The following MAP2K5 variants were observed in gnomAD, a reference collection of about 807,000 sequenced individuals.
MAP2K5 encodes the protein dual specificity mitogen-activated protein kinase kinase 5.
MAP2K5 carries 49 observed loss-of-function variants against 83.1 expected under a neutral mutation model. The ratio of observed to expected loss-of-function variants is 0.59; its 90% confidence interval spans 0.47 to 0.75. The LOEUF is 0.75. MAP2K5 is among the 30% of genes least tolerant of loss of function. The pLI is 0.00. For synonymous variants in MAP2K5, 202 were observed against 191.8 expected, an observed-to-expected ratio of 1.05 and a Z score of -0.44; for missense variants, 457 against 557.5, an observed-to-expected ratio of 0.82 and a Z score of 1.82.
chr15:67,574,740 G>A (rs1185553348), intron 3 of MAP2K5, among the ~76,000 whole-genome samples: 2 of 151,910 alleles, frequency 1.3e-5, no homozygotes, highest in South Asian at 2.1e-4. Context: ...GGTGTCGGGC[G>A]CCTGTAGTCC....
rs956121291 is a variant in MAP2K5, at chr15:67,801,654, C to T, written c.1243-4992C>T. ...ATCAAGCTTCCTAGAGCTTTAGTTT[C>T]CTTTATAAAATGGGGGTGCCGGGAG... On this transcript the variant is annotated intron_variant, in intron 21 of 21. Transcript: ENST00000178640. The surrounding 1 kb of genome is among the most constrained non-coding windows in gnomAD (Gnocchi z 4.8). 6.6e-6 allele frequency among the ~76,000 whole-genome samples: 1 copy of T among 152,152 alleles called. No individual in the cohort carries two copies. The highest frequency in any genetic ancestry group is 1.5e-5 in the Non-Finnish European group (1 of 68,016).
intron 10 of MAP2K5, 37 bp from the exon 11 acceptor site, chr15:67,646,351 C>T: frequency 7.0e-7 from 1 of 1,426,448 alleles, no homozygotes; most frequent in Non-Finnish European, 9.8e-7. Flanking sequence ...TATTGACTTG[C>T]AGGTTTATAA....
Position 67,658,118 on chromosome 15 carries a change from TG to T in MAP2K5, c.737-433del, listed in dbSNP as rs564518748. Among the ~76,000 whole-genome samples the T allele has an allele frequency of 4.6e-5, 7 of 152,246 alleles. No individual in the cohort carries two copies. The South Asian group carries it at 1.4e-3, about 32-fold the overall frequency. On this transcript the variant is annotated intron_variant, in intron 11 of 21. Transcript: ENST00000178640. ...ATCATATCATTAATGAGCAACGTAG[TG>T]GTTCTCTGCATATATTCCAGCTTTT... is the stretch of plus-strand genomic sequence containing the variant.
Position 67,596,510 on chromosome 15 carries a change from CTG to C in MAP2K5, c.480+3538_480+3539del, listed in dbSNP as rs141847611. ...CTGTAAAATTTAAAAAGTTTAAAAA[CTG>C]TATCATTACTAGTATATGTAACTCT... On this transcript the variant is annotated intron_variant, in intron 7 of 21. Coordinates refer to ENST00000178640, the MANE Select transcript of MAP2K5 (RefSeq NM_145160.3). 3.5e-3 allele frequency among the ~76,000 whole-genome samples: 528 copies of C among 152,308 alleles called. 12 individuals carry two copies. The highest frequency in any genetic ancestry group is 0.012 in the African/African-American group (508 of 41,580).
rs1448979286 is a variant in MAP2K5 at position 67,708,443 on chromosome 15, A to G, written c.1044+5035A>G. ...GTCATCTCTGAGGTTTGGTGATGCCAGAAGCAGAAAGTTCAATTTACAGCT... is the reference window on the plus strand; with the variant it reads ...GTCATCTCTGAGGTTTGGTGATGCCGGAAGCAGAAAGTTCAATTTACAGCT... On this transcript the variant is annotated intron_variant, in intron 16 of 21. Coordinates refer to ENST00000178640, the MANE Select transcript of MAP2K5 (RefSeq NM_145160.3). The surrounding 1 kb of genome is among the most constrained non-coding windows in gnomAD (Gnocchi z 4.9). Among the ~76,000 whole-genome samples the G allele has an allele frequency of 6.6e-6, 1 of 152,146 alleles. No individual in the cohort carries two copies. The highest frequency in any genetic ancestry group is 1.5e-5 in the Non-Finnish European group (1 of 68,024).
At chr15:67,588,212 T>C (rs908978079) in intron 6 of MAP2K5, 14 of 433,852 alleles carry the variant, frequency 3.2e-5, no homozygotes, top group Non-Finnish European at 1.5e-5. Flanking sequence ...CCATCCCACC[T>C]GACATTCCAG....
intron 21 of MAP2K5, among the ~76,000 whole-genome samples, chr15:67,792,991 C>T (rs2090544799): frequency 6.6e-6 from 1 of 152,196 alleles, no homozygotes; most frequent in Non-Finnish European, 1.5e-5. Flanking sequence ...GGTGGATGAG[C>T]TGCTCCATGT....
chr15:67,682,474 TGGCCTCCCAAA>T (rs2087842012), intron 13 of MAP2K5, among the ~76,000 whole-genome samples: 1 of 151,528 alleles, frequency 6.6e-6, no homozygotes, highest in Non-Finnish European at 1.5e-5. Context: ...TCACCCGCCT[TGGCCTCCCAAA>T]GTGCTGGGAT....
chr15:67,685,205 C>G (rs1214531174), intron 13 of MAP2K5, among the ~76,000 whole-genome samples: 1 of 152,084 alleles, frequency 6.6e-6, no homozygotes, highest in Non-Finnish European at 1.5e-5. Flanking sequence ...AAAATATTCA[C>G]AGAAAACAGA....
At chr15:67,756,725 C>T (rs1341146708) in intron 19 of MAP2K5, among the ~76,000 whole-genome samples, 2 of 152,130 alleles carry the variant, frequency 1.3e-5, no homozygotes, top group African/African-American at 4.8e-5. Flanking sequence ...AACTACTCTT[C>T]TACTTTGCTA....
intron 17 of MAP2K5, among the ~76,000 whole-genome samples, chr15:67,737,488 A>T (rs892626661): frequency 8.5e-5 from 13 of 152,190 alleles, no homozygotes; most frequent in South Asian, 2.1e-4. Context: ...TTCTTCCTCA[A>T]CTAAAATGTT....
intron 3 of MAP2K5, among the ~76,000 whole-genome samples, chr15:67,566,375 G>A (rs751184681): frequency 2.6e-5 from 4 of 151,766 alleles, no homozygotes; most frequent in African/African-American, 7.3e-5. Context: ...GGGATTTCTC[G>A]ATATTGGCCA....
intron 19 of MAP2K5, among the ~76,000 whole-genome samples, chr15:67,767,193 T>C (rs1277845929): frequency 1.3e-5 from 2 of 152,330 alleles, no homozygotes; most frequent in South Asian, 2.1e-4. Flanking sequence ...TAACTACCCA[T>C]GCAAGATGTC....
chr15:67,583,669 T>A (rs2085231297), intron 4 of MAP2K5, among the ~76,000 whole-genome samples: 1 of 152,184 alleles, frequency 6.6e-6, no homozygotes, highest in Non-Finnish European at 1.5e-5. Flanking sequence ...GATCTTAAAT[T>A]TTATGGTTAG....
chr15:67,799,537 G>C (rs2090664985), intron 21 of MAP2K5, among the ~76,000 whole-genome samples: 1 of 152,280 alleles, frequency 6.6e-6, no homozygotes, highest in South Asian at 2.1e-4. Flanking sequence ...GCTGACAGAT[G>C]AGACCCAGAA....
chr15:67,583,093 T>G (rs2085217162), intron 4 of MAP2K5, among the ~76,000 whole-genome samples: 1 of 152,176 alleles, frequency 6.6e-6, no homozygotes, highest in African/African-American at 2.4e-5. Flanking sequence ...GTTCTGCCTA[T>G]TAGGTATTAC....
Position 67,621,019 on chromosome 15 carries a change from A to T in MAP2K5, c.546-9869A>T, listed in dbSNP as rs534912026. On this transcript the variant is annotated intron_variant, in intron 8 of 21. Coordinates refer to ENST00000178640, the MANE Select transcript of MAP2K5 (RefSeq NM_145160.3). ...GCTAATAGGTTAGGTTGCATTTTTT[A>T]AAATACAGTTATGTGCTATTTTAGA... 2.7e-3 allele frequency among the ~76,000 whole-genome samples: 413 copies of T among 151,746 alleles called. 4 individuals are homozygous for T. Among genetic ancestry groups the T allele is most frequent in the African/African-American group, 9.6e-3 (397 of 41,424 alleles).
At position 67,758,125 on chromosome 15, in the gene MAP2K5, C is replaced by T. The variant is rs2089876056; in HGVS notation, c.1134+9524C>T. Reference sequence around the variant, plus strand: ...AGTTTTAAGCAAGAGGTCAACGTAGCCAGATTTGTGTTTTACACTGTGGCA... The same window carrying T: ...AGTTTTAAGCAAGAGGTCAACGTAGTCAGATTTGTGTTTTACACTGTGGCA... On this transcript the variant is annotated intron_variant, in intron 19 of 21. Coordinates refer to ENST00000178640, the MANE Select transcript of MAP2K5 (RefSeq NM_145160.3). This position sits in a 1 kb window ranked among gnomAD's most constrained non-coding sequence, Gnocchi z 4.7. Among the ~76,000 whole-genome samples the T allele has an allele frequency of 6.6e-6, 1 of 151,964 alleles. No homozygotes were observed.
intron 9 of MAP2K5, among the ~76,000 whole-genome samples, chr15:67,635,277 C>T (rs1487159229): frequency 6.6e-6 from 1 of 150,978 alleles, no homozygotes; most frequent in Non-Finnish European, 1.5e-5. Flanking sequence ...TGGGTTCACA[C>T]CATTCTTCTG....
Sources: gnomAD v4.1 joint callset for allele counts (sites outside exome capture counted in the v4.1 genomes callset) on GRCh38, gnomAD v4.1.1 for gene constraint, Gnocchi (gnomAD v3.1) non-coding constraint, MANE v1.5 for transcripts, NCBI Gene and HGNC (gene_info 2026-07-23, HGNC 2026-07-21) for gene names.